PTPRD: variants seen among roughly 807,000 people sequenced by gnomAD.
The protein encoded by PTPRD is protein tyrosine phosphatase receptor type D, also known as receptor-type tyrosine-protein phosphatase delta.
Under a neutral mutation model 214.5 loss-of-function variants are expected in PTPRD, and 34 were observed. That is an observed-to-expected ratio of 0.16 (90% CI 0.12 to 0.21). The LOEUF is 0.21. Among genes scored for constraint, PTPRD ranks in the 10% least tolerant of loss-of-function variants. The probability of loss-of-function intolerance (pLI) is 1.00; values close to 1 mark genes in which losing one functional copy is unlikely to be tolerated. For missense variants in PTPRD, 2,545 were observed against 2,398.7 expected (o/e 1.06, Z -1.27); for synonymous variants, 1,128 against 845.7 (o/e 1.33, Z -5.79).
chr9:10,380,572 T>G (rs145636547), intron 2 of PTPRD, among the ~76,000 whole-genome samples: 1 of 152,046 alleles, frequency 6.6e-6, no homozygotes, highest in Admixed American at 6.6e-5. Flanking sequence ...AGTGCCATCA[T>G]GTGTCCCACA....
At chr9:8,820,721 T>G (rs906206639) in intron 11 of PTPRD, among the ~76,000 whole-genome samples, 2 of 151,874 alleles carry the variant, frequency 1.3e-5, no homozygotes, top group Non-Finnish European at 2.9e-5. Context: ...ATATACATAC[T>G]ACACACCACA....
At chr9:9,624,599 G>A (rs1285648573) in intron 7 of PTPRD, among the ~76,000 whole-genome samples, 2 of 151,888 alleles carry the variant, frequency 1.3e-5, no homozygotes, top group African/African-American at 2.4e-5. Context: ...TATTTTGGTA[G>A]CTGTTGTTTT....
chr9:8,992,609 C>T (rs1003439129), intron 11 of PTPRD, among the ~76,000 whole-genome samples: 1 of 152,106 alleles, frequency 6.6e-6, no homozygotes, highest in Non-Finnish European at 1.5e-5. Context: ...CAAGATACAT[C>T]GATTACTATA....
intron 8 of PTPRD, among the ~76,000 whole-genome samples, chr9:9,535,277 G>A (rs965552114): frequency 6.6e-6 from 1 of 152,016 alleles, no homozygotes; most frequent in Non-Finnish European, 1.5e-5. Flanking sequence ...TTTGCTTTTA[G>A]GTAGAAGTTT....
At chr9:9,742,725 C>A (rs1188115661) in intron 6 of PTPRD, among the ~76,000 whole-genome samples, 1 of 152,190 alleles carries the variant, frequency 6.6e-6, no homozygotes. Context: ...TATACCTAGA[C>A]CTTAGTGTTT....
In PTPRD at chr9:10,136,465, T is replaced by C. The variant is rs139425128; in HGVS notation, c.-544-102675A>G. Among the ~76,000 whole-genome samples, 125 of 152,158 alleles carry C rather than the reference T, an allele frequency of 8.2e-4. 1 individual carries two copies. In the East Asian group the frequency reaches 0.02, roughly 25 times the overall value. ...TCTGCACTCAGAACATACTCTAAGA[T>C]CAGTCACAGGCTTAATGATAAAGCA... On this transcript the variant is annotated intron_variant, in intron 3 of 45. Coordinates refer to ENST00000381196, the MANE Select transcript of PTPRD (RefSeq NM_002839.4).
intron 30 of PTPRD, among the ~76,000 whole-genome samples, chr9:8,472,823 A>T (rs1395380624): frequency 6.6e-6 from 1 of 152,196 alleles, no homozygotes; most frequent in Non-Finnish European, 1.5e-5. Context: ...GCACTGCTCT[A>T]GAGCATTCTG....
chr9:9,313,628 G>A (rs1265016011), intron 9 of PTPRD, among the ~76,000 whole-genome samples: 1 of 152,156 alleles, frequency 6.6e-6, no homozygotes, highest in African/African-American at 2.4e-5. Flanking sequence ...AGGAGGGGTG[G>A]ATGCCTATTA....
intron 6 of PTPRD, among the ~76,000 whole-genome samples, chr9:9,738,831 T>C (rs1405828286): frequency 6.6e-6 from 1 of 152,158 alleles, no homozygotes; most frequent in African/African-American, 2.4e-5. Flanking sequence ...TGCAAATATT[T>C]CCTCCCATTT....
intron 8 of PTPRD, among the ~76,000 whole-genome samples, chr9:9,510,657 C>G (rs572090918): frequency 5.1e-4 from 73 of 143,400 alleles, no homozygotes; most frequent in African/African-American, 1.9e-3. Context: ...TTTTTTTTTT[C>G]TAGAAAAAAA....
At chr9:9,493,268 T>C (rs1589804468) in intron 8 of PTPRD, among the ~76,000 whole-genome samples, 1 of 152,234 alleles carries the variant, frequency 6.6e-6, no homozygotes, top group East Asian at 1.9e-4. Context: ...AACACATTTG[T>C]TACACTGTAG....
At chr9:9,329,055 G>T (rs2041287343) in intron 9 of PTPRD, among the ~76,000 whole-genome samples, 1 of 151,902 alleles carries the variant, frequency 6.6e-6, no homozygotes, top group Non-Finnish European at 1.5e-5. Flanking sequence ...GAGAACATCT[G>T]TCAGAAAATA....
intron 9 of PTPRD, among the ~76,000 whole-genome samples, chr9:9,238,730 T>C (rs2099968657): frequency 6.6e-6 from 1 of 152,144 alleles, no homozygotes; most frequent in African/African-American, 2.4e-5. Flanking sequence ...TCTAAAACAA[T>C]TACACAACCT....
At chr9:9,962,456 C>T (rs995218708) in intron 4 of PTPRD, among the ~76,000 whole-genome samples, 1 of 151,892 alleles carries the variant, frequency 6.6e-6, no homozygotes, top group Non-Finnish European at 1.5e-5. Flanking sequence ...CATATTGAAC[C>T]TTATATAAAT....
intron 11 of PTPRD, among the ~76,000 whole-genome samples, chr9:8,751,700 C>T (rs539447611): frequency 6.6e-6 from 1 of 152,274 alleles, no homozygotes; most frequent in Admixed American, 6.5e-5. Context: ...TCCAGGATTT[C>T]CTCCATTATT....
chr9:10,488,549 A>G (rs1283394318), intron 2 of PTPRD, among the ~76,000 whole-genome samples: 4 of 152,058 alleles, frequency 2.6e-5, no homozygotes, highest in African/African-American at 9.7e-5. Context: ...CAGGATGGCA[A>G]GTTCCCCTAG....
At chr9:10,138,952 G>A (rs1416798034) in intron 3 of PTPRD, among the ~76,000 whole-genome samples, 1 of 151,830 alleles carries the variant, frequency 6.6e-6, no homozygotes, top group Non-Finnish European at 1.5e-5. Flanking sequence ...CACCAAATGG[G>A]CAAAACTGCA....
chr9:8,944,161 C>A (rs764450851), intron 11 of PTPRD, among the ~76,000 whole-genome samples: 1 of 152,068 alleles, frequency 6.6e-6, no homozygotes, highest in Non-Finnish European at 1.5e-5. Context: ...TGCTCAACAT[C>A]ACTGATCATC....
chr9:9,888,805 G>C (rs748159539), intron 5 of PTPRD, among the ~76,000 whole-genome samples: 4 of 152,094 alleles, frequency 2.6e-5, no homozygotes, highest in Non-Finnish European at 5.9e-5. Context: ...GACTAAGACA[G>C]ATAGGGAAGA....
Sources: allele counts gnomAD v4.1 joint callset (sites outside exome capture counted in the v4.1 genomes callset), GRCh38; gene constraint gnomAD v4.1.1; transcripts MANE v1.5; gene names NCBI Gene and HGNC (gene_info 2026-07-23, HGNC 2026-07-21).